DAB1: variants seen among roughly 807,000 people sequenced by gnomAD.
The protein encoded by DAB1 is DAB adaptor protein 1, also known as disabled homolog 1.
Under a neutral mutation model 64.6 loss-of-function variants are expected in DAB1, and 15 were observed. The observed-to-expected ratio is 0.23, with a 90% CI of 0.16 to 0.36. DAB1 has a LOEUF of 0.36. Ranked by LOEUF, DAB1 falls within the 10% of genes least tolerant of loss-of-function variation. DAB1 has a pLI of 1.00. For missense variants in DAB1, 596 were observed against 706.7 expected, an observed-to-expected ratio of 0.84 and a Z score of 1.78; for synonymous variants, 235 against 251.9, an observed-to-expected ratio of 0.93 and a Z score of 0.64.
intron 3 of DAB1, among the ~76,000 whole-genome samples, chr1:58,369,419 T>G (rs576684640): frequency 4.6e-5 from 7 of 152,336 alleles, no homozygotes; most frequent in African/African-American, 1.7e-4. Context: ...TTACAGCTGA[T>G]GCTATTTTAT....
intron 6 of DAB1, among the ~76,000 whole-genome samples, chr1:57,671,546 C>T (rs1261606157): frequency 6.6e-6 from 1 of 152,078 alleles, no homozygotes; most frequent in Non-Finnish European, 1.5e-5. Flanking sequence ...ACTTGAACTC[C>T]TTCATGTGAC....
intron 4 of DAB1, among the ~76,000 whole-genome samples, chr1:58,264,302 A>G (rs1280295562): frequency 6.6e-6 from 1 of 152,230 alleles, no homozygotes; most frequent in Admixed American, 6.5e-5. Flanking sequence ...GACCTTAGAG[A>G]CCATCTATTC....
chr1:58,023,808 A>G (rs935526971), intron 5 of DAB1, among the ~76,000 whole-genome samples: 1 of 152,220 alleles, frequency 6.6e-6, no homozygotes, highest in African/African-American at 2.4e-5. Flanking sequence ...CTAACTAAGC[A>G]GTTTTCCCAG....
intron 7 of DAB1, among the ~76,000 whole-genome samples, chr1:57,576,021 G>T (rs185751429): frequency 6.6e-6 from 1 of 152,296 alleles, no homozygotes; most frequent in Non-Finnish European, 1.5e-5. Context: ...ATTACAGGCA[G>T]TCCCCAACTT....
intron 2 of DAB1, among the ~76,000 whole-genome samples, chr1:57,212,732 TC>T (rs1223092091): frequency 6.6e-6 from 1 of 152,182 alleles, no homozygotes; most frequent in Non-Finnish European, 1.5e-5. Flanking sequence ...CTTGACAACT[TC>T]CTATGAAATA....
At chr1:58,235,202 T>C (rs111325930) in intron 4 of DAB1, among the ~76,000 whole-genome samples, 1,765 of 152,328 alleles carry the variant, frequency 0.012, 34 homozygotes, top group African/African-American at 0.04. Flanking sequence ...TTATCTCCTT[T>C]AATGCCCACA....
chr1:57,604,700 T>C (rs1272894657), intron 7 of DAB1, among the ~76,000 whole-genome samples: 1 of 152,172 alleles, frequency 6.6e-6, no homozygotes, highest in Non-Finnish European at 1.5e-5. Context: ...GCCGCTTCAC[T>C]AGGGTTCGTG....
chr1:57,869,650 ACTCCTTAGAAGTCCAATGGAGTCTCC>A (rs1654452109), intron 1 of DAB1, among the ~76,000 whole-genome samples: 1 of 151,938 alleles, frequency 6.6e-6, no homozygotes, highest in Non-Finnish European at 1.5e-5. Context: ...CACAGACCAC[ACTCCTTAGAAGTCCAATGGAGTCTCC>A]CTCTCTCCTG....
chr1:57,255,825 G>GTT (rs779280361), intron 2 of DAB1, among the ~76,000 whole-genome samples: 4 of 152,144 alleles, frequency 2.6e-5, no homozygotes, highest in Non-Finnish European at 4.4e-5. Flanking sequence ...AAAATAAACA[G>GTT]TTGTAAATAT....
chr1:57,882,486 C>T (rs2101971588), intron 1 of DAB1, among the ~76,000 whole-genome samples: 1 of 152,260 alleles, frequency 6.6e-6, no homozygotes, highest in South Asian at 2.1e-4. Flanking sequence ...TTGAGCTCCT[C>T]TAAGGAAAAG....
intron 2 of DAB1, among the ~76,000 whole-genome samples, chr1:57,207,450 T>C (rs1256525659): frequency 8.9e-6 from 1 of 112,430 alleles, no homozygotes; most frequent in Non-Finnish European, 2.0e-5. Context: ...TCCTTTCTTT[T>C]TTTTTTTTTT....
chr1:58,110,543 T>A (rs942641318), intron 5 of DAB1, among the ~76,000 whole-genome samples: 1 of 152,202 alleles, frequency 6.6e-6, no homozygotes, highest in African/African-American at 2.4e-5. Context: ...TTTACCTCCA[T>A]CTCACAAGAA....
chr1:57,595,806 TC>T lies in DAB1; in HGVS notation n.625+53785del, dbSNP rs1158071387. Among the ~76,000 whole-genome samples the T allele has an allele frequency of 2.0e-5, 3 of 152,138 alleles. No homozygotes were observed. In the East Asian group the frequency reaches 5.8e-4, roughly 29 times the overall value. ...AGGTTGTTTAGAAATGTGTAGCACC[TC>T]CCCACCTCTCTTCCTCCTCCTCCGG... On this transcript the variant is annotated intron_variant and non_coding_transcript_variant, in intron 7 of 20. Transcript: ENST00000485760.
At chr1:57,493,563 G>T (rs371086774) in intron 7 of DAB1, among the ~76,000 whole-genome samples, 3 of 152,034 alleles carry the variant, frequency 2.0e-5, no homozygotes, top group Non-Finnish European at 2.9e-5. Flanking sequence ...TGCTTCCACC[G>T]TTGGGCTACT....
At chr1:58,184,580 G>A (rs1656973484) in intron 4 of DAB1, among the ~76,000 whole-genome samples, 1 of 152,092 alleles carries the variant, frequency 6.6e-6, no homozygotes, top group South Asian at 2.1e-4. Context: ...CACTTGAAAT[G>A]CAGTAGAATC....
At chr1:58,005,340 C>T (rs1188478656) in intron 5 of DAB1, among the ~76,000 whole-genome samples, 1 of 152,044 alleles carries the variant, frequency 6.6e-6, no homozygotes, top group Non-Finnish European at 1.5e-5. Context: ...ATATCTAGGC[C>T]AGAATTTGAG....
At chr1:58,046,613 G>C (rs1242732033) in intron 5 of DAB1, among the ~76,000 whole-genome samples, 2 of 152,110 alleles carry the variant, frequency 1.3e-5, no homozygotes, top group East Asian at 3.9e-4. Flanking sequence ...TTAGTTTCAA[G>C]GTACTTAGCT....
intron 4 of DAB1, among the ~76,000 whole-genome samples, chr1:58,190,522 T>C (rs1657328962): frequency 6.6e-6 from 1 of 152,202 alleles, no homozygotes; most frequent in Non-Finnish European, 1.5e-5. Context: ...TCTGTCTCCT[T>C]TCCTGAATTC....
chr1:57,111,089 G>T (rs1299751804), intron 4 of DAB1, among the ~76,000 whole-genome samples: 1 of 151,934 alleles, frequency 6.6e-6, no homozygotes, highest in Admixed American at 6.6e-5. Context: ...CCGTAACCAG[G>T]GTAGGTCTCC....
Sources: gnomAD v4.1 joint callset for allele counts (sites outside exome capture counted in the v4.1 genomes callset) on GRCh38, gnomAD v4.1.1 for gene constraint, MANE v1.5 for transcripts, NCBI Gene and HGNC (gene_info 2026-07-23, HGNC 2026-07-21) for gene names.